Variants in FRMD4B observed in about 807,000 individuals in gnomAD.
FRMD4B encodes the protein FERM domain-containing protein 4B.
In FRMD4B, 74 loss-of-function variants were observed where a neutral mutation model predicts 141.5. That is an observed-to-expected ratio of 0.52 (90% CI 0.43 to 0.63). FRMD4B has a LOEUF of 0.63. Among genes scored for constraint, FRMD4B ranks in the 30% least tolerant of loss-of-function variants. FRMD4B has a pLI of 0.00. For synonymous variants in FRMD4B, 506 were observed against 467.9 expected (o/e 1.08, Z -1.05); for missense variants, 1,366 against 1,253.4 (o/e 1.09, Z -1.36).
chr3:69,207,623 C>T (rs1206033906), intron 11 of FRMD4B, among the ~76,000 whole-genome samples: 1 of 152,060 alleles, frequency 6.6e-6, no homozygotes, highest in East Asian at 2.0e-4. Context: ...TCTTGGCCAA[C>T]ATGGTGAAAC....
intron 5 of FRMD4B, among the ~76,000 whole-genome samples, chr3:69,261,048 C>G (rs1356820411): frequency 1.3e-5 from 2 of 152,208 alleles, no homozygotes; most frequent in Admixed American, 6.5e-5. Context: ...GGAATAAAAG[C>G]AGGTTGCCAG....
At chr3:69,223,688 A>G (rs965630070) in intron 8 of FRMD4B, among the ~76,000 whole-genome samples, 2 of 151,900 alleles carry the variant, frequency 1.3e-5, no homozygotes, top group African/African-American at 4.8e-5. Flanking sequence ...AAAATACAAA[A>G]ATTAGCCGAG....
At chr3:69,468,160 G>GT (rs34707120) in intron 1 of FRMD4B, among the ~76,000 whole-genome samples, 17 of 151,668 alleles carry the variant, frequency 1.1e-4, no homozygotes, top group South Asian at 2.1e-4. Flanking sequence ...TTTATTTAAA[G>GT]TTTTTTTTTA....
chr3:69,316,418 T>A (rs1028013589), intron 1 of FRMD4B, among the ~76,000 whole-genome samples: 1 of 151,928 alleles, frequency 6.6e-6, no homozygotes, highest in African/African-American at 2.4e-5. Context: ...GACAGGAAAT[T>A]GAGGTACAGA....
chr3:69,283,980 A>AAAT lies in FRMD4B; in HGVS notation c.501+3771_501+3772insATT, dbSNP rs746303757. Among the ~76,000 whole-genome samples, 19 of 151,754 alleles carry AAAT rather than the reference A, an allele frequency of 1.3e-4. 1 individual carries two copies. The highest frequency in any genetic ancestry group is 1.3e-4 in the Non-Finnish European group (9 of 67,970). On this transcript the variant is annotated intron_variant, in intron 5 of 22. Transcript: ENST00000398540. ...AAAAACAAAACAAAACAAAACAAAA[A>AAAT]AAACAAAAAACAGACAAAATATATA...
chr3:69,503,192 C>T (rs912352628), intron 1 of FRMD4B, among the ~76,000 whole-genome samples: 1 of 152,068 alleles, frequency 6.6e-6, no homozygotes, highest in Non-Finnish European at 1.5e-5. Flanking sequence ...TGGGTATATA[C>T]CCAAAGGATT....
intron 1 of FRMD4B, among the ~76,000 whole-genome samples, chr3:69,505,073 A>G (rs1228657178): frequency 9.3e-6 from 1 of 107,676 alleles, no homozygotes; most frequent in Admixed American, 1.1e-4. Flanking sequence ...GACACTCCCA[A>G]AGGAAACAAA....
At chr3:69,333,114 A>G (rs1702433923) in intron 1 of FRMD4B, among the ~76,000 whole-genome samples, 1 of 152,052 alleles carries the variant, frequency 6.6e-6, no homozygotes, top group South Asian at 2.1e-4. Flanking sequence ...CTCCATCGTT[A>G]TGGTCTTGGC....
intron 5 of FRMD4B, among the ~76,000 whole-genome samples, chr3:69,278,821 T>G (rs567218956): frequency 1.3e-5 from 2 of 152,070 alleles, no homozygotes; most frequent in African/African-American, 4.8e-5. Flanking sequence ...ACTCCTGGGA[T>G]CAAGCGATCT....
At chr3:69,520,374 T>C (rs1700837110) in intron 1 of FRMD4B, among the ~76,000 whole-genome samples, 2 of 143,240 alleles carry the variant, frequency 1.4e-5, no homozygotes. Context: ...AATATATATA[T>C]ATGATGGAAT....
chr3:69,536,370 G>A (rs964428306), intron 1 of FRMD4B: 5 of 698,068 alleles, frequency 7.2e-6, no homozygotes, highest in African/African-American at 1.8e-5. Flanking sequence ...GGGGCCTGGC[G>A]AGGAGGCTGC....
intron 1 of FRMD4B, among the ~76,000 whole-genome samples, chr3:69,335,372 A>T (rs371808862): frequency 6.7e-5 from 9 of 133,810 alleles, no homozygotes; most frequent in African/African-American, 8.4e-5. Context: ...TCATTATTGC[A>T]TTTTTTTTTT....
At chr3:69,178,290 T>C (rs922572211) in intron 21 of FRMD4B, among the ~76,000 whole-genome samples, 2 of 152,108 alleles carry the variant, frequency 1.3e-5, no homozygotes, top group African/African-American at 4.8e-5. Context: ...CTGGATGTCA[T>C]GAGGTGTTGA....
At chr3:69,267,638 G>T (rs6801615) in intron 5 of FRMD4B, among the ~76,000 whole-genome samples, 46 of 30,870 alleles carry the variant, frequency 1.5e-3, no homozygotes, top group African/African-American at 6.0e-3. Flanking sequence ...TATATATATA[G>T]AGAGAGAGAG....
rs1304181278 is a variant in FRMD4B, at chr3:69,386,017, G to T, written c.-28C>A. 1.3e-6 allele frequency: 2 copies of T among 1,539,532 alleles called. No individual in the cohort carries two copies. The highest frequency in any genetic ancestry group is 1.2e-5 in the South Asian group (1 of 81,710). ...CTCCTCCTTCGCTCTGAACCCGGGC[G>T]TCCCGGCTCTCGTACGTGCAGCCCC... On this transcript the variant is annotated 5_prime_UTR_variant, in exon 1 of 23. Transcript: ENST00000398540.
At chr3:69,366,106 C>A (rs989949047) in intron 1 of FRMD4B, among the ~76,000 whole-genome samples, 1 of 118,982 alleles carries the variant, frequency 8.4e-6, no homozygotes, top group East Asian at 2.7e-4. Flanking sequence ...CACACACACA[C>A]AAAATTAGCT....
chr3:69,283,484 G>A (rs1362819645), intron 5 of FRMD4B, among the ~76,000 whole-genome samples: 3 of 149,502 alleles, frequency 2.0e-5, no homozygotes, highest in Non-Finnish European at 4.4e-5. Context: ...TTCATGAAAT[G>A]CAGTAGCATT....
chr3:69,444,688 T>C (rs1705386014), intron 1 of FRMD4B, among the ~76,000 whole-genome samples: 1 of 152,196 alleles, frequency 6.6e-6, no homozygotes, highest in Admixed American at 6.5e-5. Flanking sequence ...CATTTCCCAT[T>C]ATTACTCAAA....
chr3:69,293,410 C>G (rs117831819), intron 4 of FRMD4B, among the ~76,000 whole-genome samples: 1 of 121,144 alleles, frequency 8.3e-6, no homozygotes, highest in African/African-American at 2.7e-5. Context: ...GCCTCACACA[C>G]TGGAGAAATG....
Sources: allele counts gnomAD v4.1 joint callset (sites outside exome capture counted in the v4.1 genomes callset), GRCh38; gene constraint gnomAD v4.1.1; transcripts MANE v1.5; gene names NCBI Gene and HGNC (gene_info 2026-07-23, HGNC 2026-07-21).